The following FANCC variants were observed in gnomAD, a reference collection of about 807,000 sequenced individuals.
FANCC encodes the protein FA complementation group C.
Under a neutral mutation model 71.3 loss-of-function variants are expected in FANCC, and 55 were observed. The observed-to-expected ratio is 0.77, with a 90% confidence interval of 0.62 to 0.97. The LOEUF (loss-of-function observed/expected upper bound fraction) is 0.97, where lower values mean the gene tolerates loss of function less well. Ranked by LOEUF, FANCC falls within the 50% of genes least tolerant of loss-of-function variation. FANCC has a pLI of 0.00. For synonymous variants in FANCC, 275 were observed against 244.9 expected, an observed-to-expected ratio of 1.12 and a Z score of -1.15; for missense variants, 678 against 670.9, an observed-to-expected ratio of 1.01 and a Z score of -0.12.
chr9:95,184,925 A>C (rs971826389), intron 4 of FANCC, among the ~76,000 whole-genome samples: 2 of 152,214 alleles, frequency 1.3e-5, no homozygotes, highest in African/African-American at 4.8e-5. Flanking sequence ...ACTTCACACT[A>C]TCCTATTCTG....
chr9:95,265,500 C>A (rs1832332218), intron 1 of FANCC, among the ~76,000 whole-genome samples: 1 of 152,128 alleles, frequency 6.6e-6, no homozygotes. Flanking sequence ...CACCAAGGAG[C>A]CATCATTCGG....
chr9:95,239,650 C>T (rs1830521005), intron 4 of FANCC, among the ~76,000 whole-genome samples: 1 of 152,188 alleles, frequency 6.6e-6, no homozygotes, highest in East Asian at 1.9e-4. Context: ...TTCTTCAGTT[C>T]CTTACATTAA....
intron 1 of FANCC, among the ~76,000 whole-genome samples, chr9:95,304,283 GAGA>G (rs1834940632): frequency 6.6e-6 from 1 of 152,136 alleles, no homozygotes; most frequent in African/African-American, 2.4e-5. Context: ...CAAGAAAGGA[GAGA>G]AGGATGAATG....
At chr9:95,132,171 C>G (rs1827005838) in intron 8 of FANCC, among the ~76,000 whole-genome samples, 1 of 152,154 alleles carries the variant, frequency 6.6e-6, no homozygotes, top group Non-Finnish European at 1.5e-5. Flanking sequence ...GCTCTGCCAG[C>G]AAATGGGAGG....
chr9:95,200,632 A>C (rs1827749128), intron 4 of FANCC, among the ~76,000 whole-genome samples: 1 of 152,198 alleles, frequency 6.6e-6, no homozygotes, highest in Admixed American at 6.5e-5. Context: ...CATGGAGATA[A>C]TTATATCTGC....
rs994417276 is a variant in FANCC, at chr9:95,293,336, C to T, written c.-79+24190G>A. Reference sequence around the variant, plus strand: ...CCAGCCTGTGGTGTTAGGTGTTGATCAGGGCTCTGCCACAGGGGCTGTGCA... The same window carrying T: ...CCAGCCTGTGGTGTTAGGTGTTGATTAGGGCTCTGCCACAGGGGCTGTGCA... On this transcript the variant is annotated intron_variant, in intron 1 of 14. Coordinates refer to ENST00000289081, the MANE Select transcript of FANCC (RefSeq NM_000136.3). The T allele has an allele frequency of 3.7e-6, 6 of 1,606,158 alleles. No individual in the cohort carries two copies. In the Admixed American group the frequency reaches 8.5e-5, roughly 23 times the overall value.
At chr9:95,192,977 A>AT (rs1249186580) in intron 4 of FANCC, among the ~76,000 whole-genome samples, 1 of 152,246 alleles carries the variant, frequency 6.6e-6, no homozygotes, top group Non-Finnish European at 1.5e-5. Flanking sequence ...ACTATAGTGT[A>AT]TCTATATTCA....
intron 4 of FANCC, among the ~76,000 whole-genome samples, chr9:95,233,674 G>A (rs1476858583): frequency 1.3e-5 from 2 of 152,128 alleles, no homozygotes. Context: ...AAGAGAAGCT[G>A]CATATACCAA....
intron 3 of FANCC, among the ~76,000 whole-genome samples, chr9:95,245,322 G>GA (rs1830895900): frequency 6.6e-6 from 1 of 151,974 alleles, no homozygotes; most frequent in African/African-American, 2.4e-5. Context: ...ACAGCATAGT[G>GA]AACATGGACT....
At chr9:95,214,549 C>T (rs1828729256) in intron 4 of FANCC, among the ~76,000 whole-genome samples, 2 of 152,184 alleles carry the variant, frequency 1.3e-5, no homozygotes, top group African/African-American at 2.4e-5. Context: ...GATATTTGTA[C>T]ACCCATGTTC....
chr9:95,116,605 C>T (rs2072442947), intron 11 of FANCC, among the ~76,000 whole-genome samples: 2 of 152,174 alleles, frequency 1.3e-5, no homozygotes, highest in Admixed American at 6.5e-5. Flanking sequence ...TTCTGGCTGG[C>T]GCAGTCTGTG....
At position 95,271,661 on chromosome 9, in the gene FANCC, T is replaced by C. The variant is rs143902371; in HGVS notation, c.-78-22292A>G. Among the ~76,000 whole-genome samples the C allele has an allele frequency of 8.8e-3, 1,339 of 152,152 alleles. 23 individuals are homozygous for C. The highest frequency in any genetic ancestry group is 0.031 in the African/African-American group (1,274 of 41,526). On this transcript the variant is annotated intron_variant, in intron 1 of 14. Transcript: ENST00000289081. ...ACAGCTTCGGGAAACTAATATCGCA[T>C]CCTGCAAGGAGGTGTATGAATTGCA...
At chr9:95,317,103 C>A (rs1212531524) in intron 1 of FANCC, 1 of 152,470 alleles carries the variant, frequency 6.6e-6, no homozygotes, top group Non-Finnish European at 1.5e-5. Context: ...TCACGGCTCC[C>A]ACGAGTCCGA....
intron 1 of FANCC, among the ~76,000 whole-genome samples, chr9:95,295,637 G>A (rs527974336): frequency 2.4e-4 from 37 of 152,204 alleles, no homozygotes; most frequent in African/African-American, 8.7e-4. Context: ...GCAGGATGGC[G>A]CATGCCTGTA....
At position 95,100,421 on chromosome 9, in the gene FANCC, T is replaced by G. The variant is rs1178329162; in HGVS notation, c.*1286A>C. 4.3e-6 allele frequency: 1 copy of G among 231,114 alleles called. No individual in the cohort carries two copies. Among genetic ancestry groups the G allele is most frequent in the Admixed American group, 5.6e-5 (1 of 17,702 alleles). The allele number at this position is 231,114 out of a possible 1,614,324, so 14.3% of individuals were successfully genotyped here. The stretch of plus-strand genomic sequence containing the variant: ...ATAAGGAATTTCCCTAAAGGTTAAC[T>G]TCTAATCCAGCAAAACTTTGCTCAT... On this transcript the variant is annotated 3_prime_UTR_variant, in exon 15 of 15. Coordinates refer to ENST00000289081, the MANE Select transcript of FANCC (RefSeq NM_000136.3).
At chr9:95,204,898 A>ATTTG (rs1455955810) in intron 4 of FANCC, among the ~76,000 whole-genome samples, 1 of 152,212 alleles carries the variant, frequency 6.6e-6, no homozygotes, top group Non-Finnish European at 1.5e-5. Context: ...GTACCATAGA[A>ATTTG]CAAAGGGAGC....
intron 1 of FANCC, among the ~76,000 whole-genome samples, chr9:95,276,489 C>G (rs2136240707): frequency 6.6e-6 from 1 of 152,264 alleles, no homozygotes; most frequent in South Asian, 2.1e-4. Flanking sequence ...AGGGCAATCT[C>G]AAGTAACAGC....
intron 1 of FANCC, among the ~76,000 whole-genome samples, chr9:95,304,562 T>C (rs1339257301): frequency 7.0e-6 from 1 of 143,822 alleles, no homozygotes; most frequent in Admixed American, 7.2e-5. Context: ...TTGGGCAACA[T>C]GGGGAAACCC....
At chr9:95,297,156 G>A (rs1056860000) in intron 1 of FANCC, among the ~76,000 whole-genome samples, 3 of 152,288 alleles carry the variant, frequency 2.0e-5, no homozygotes, top group Non-Finnish European at 4.4e-5. Context: ...ACAGCAGACT[G>A]AGGCAAGAGG....
Sources: gnomAD v4.1 joint callset for allele counts (sites outside exome capture counted in the v4.1 genomes callset) on GRCh38, gnomAD v4.1.1 for gene constraint, MANE v1.5 for transcripts, NCBI Gene and HGNC (gene_info 2026-07-23, HGNC 2026-07-21) for gene names.